CNTNAP3B: variants seen among roughly 807,000 people sequenced by gnomAD.
CNTNAP3B encodes the protein contactin associated protein family member 3B, also known as contactin-associated protein-like 3B.
A neutral mutation model predicts 108.9 loss-of-function variants in CNTNAP3B; 25 were observed. The observed-to-expected ratio is 0.23, with a 90% CI of 0.17 to 0.32. The LOEUF (loss-of-function observed/expected upper bound fraction) is 0.32. Ranked by LOEUF, CNTNAP3B falls within the 10% of genes least tolerant of loss-of-function variation. The pLI is 1.00. For synonymous variants in CNTNAP3B, 103 were observed against 473.4 expected, an observed-to-expected ratio of 0.22 and a Z score of 10.16; for missense variants, 252 against 1,210.4, an observed-to-expected ratio of 0.21 and a Z score of 11.75.
chr9:41,963,968 A>G (rs1479499862), intron 11 of CNTNAP3B, among the ~76,000 whole-genome samples: 1 of 151,532 alleles, frequency 6.6e-6, no homozygotes, highest in Non-Finnish European at 1.5e-5. Context: ...CTTTACAATC[A>G]TCATCACCAC....
chr9:41,940,425 C>A (rs1259110076), intron 13 of CNTNAP3B, among the ~76,000 whole-genome samples: 1 of 152,296 alleles, frequency 6.6e-6, no homozygotes. Context: ...ATTACAGAAC[C>A]AGAAGGAATG....
At chr9:41,912,077 CCTT>C (rs1334718984) in intron 18 of CNTNAP3B, among the ~76,000 whole-genome samples, 3,023 of 99,294 alleles carry the variant, frequency 0.03, 4 homozygotes, top group Non-Finnish European at 0.037. Flanking sequence ...ATTTTCTCCT[CCTT>C]CTTGAAACAG....
At chr9:41,987,418 A>G (rs1387535669) in intron 8 of CNTNAP3B, among the ~76,000 whole-genome samples, 2 of 47,452 alleles carry the variant, frequency 4.2e-5, no homozygotes, top group African/African-American at 5.6e-5. Context: ...CTGAGATCAC[A>G]CCACTGTACT....
At chr9:41,959,775 C>T (rs1357987731) in intron 12 of CNTNAP3B, among the ~76,000 whole-genome samples, 2 of 152,308 alleles carry the variant, frequency 1.3e-5, no homozygotes, top group Non-Finnish European at 2.9e-5. Context: ...TTATTTGTTT[C>T]TTTATCCTTG....
intron 13 of CNTNAP3B, among the ~76,000 whole-genome samples, chr9:41,942,636 TA>T (rs534894864): frequency 9.4e-4 from 136 of 145,258 alleles, no homozygotes; most frequent in Middle Eastern, 3.5e-3. Flanking sequence ...ATAAAAACAT[TA>T]AAAAAAAAAG....
chr9:42,036,280 C>A lies in CNTNAP3B; in HGVS notation c.391-22755G>T, dbSNP rs1349268803. Among the ~76,000 whole-genome samples, 2 of 141,456 alleles carry A rather than the reference C, an allele frequency of 1.4e-5. 1 individual carries two copies. Among genetic ancestry groups the A allele is most frequent in the Non-Finnish European group, 3.1e-5 (2 of 65,288 alleles). The allele number at this position is 141,456 out of a possible 152,430, so 92.8% of individuals were successfully genotyped here. ...ATATGGAATAAAATGAGTAAGTCAT[C>A]TTTTGCCAATCTGTTCTCCTCCCTA... On this transcript the variant is annotated intron_variant, in intron 3 of 23. Transcript: ENST00000377561.
chr9:41,950,481 C>A (rs1824641702), intron 13 of CNTNAP3B, among the ~76,000 whole-genome samples: 1 of 119,290 alleles, frequency 8.4e-6, no homozygotes, highest in African/African-American at 3.2e-5. Context: ...TGTAAACAAA[C>A]AACCCAGATG....
At position 42,079,814 on chromosome 9, in the gene CNTNAP3B, C is replaced by T. The variant is rs1366816721; in HGVS notation, c.197-2752G>A. 1.4e-5 allele frequency among the ~76,000 whole-genome samples: 2 copies of T among 138,114 alleles called. 1 individual carries two copies. The highest frequency in any genetic ancestry group is 1.4e-4 in the Admixed American group (2 of 13,814). The allele number at this position is 138,114 out of a possible 152,430, so 90.6% of individuals were successfully genotyped here. ...GGATTACAGGCATGAGGCACTGGGC[C>T]CAGCCTATTTTATGGTTGTTTTAAA... is the stretch of plus-strand genomic sequence containing the variant. On this transcript the variant is annotated intron_variant, in intron 2 of 23. Coordinates refer to ENST00000377561, the MANE Select transcript of CNTNAP3B (RefSeq NM_001201380.3).
In CNTNAP3B at chr9:41,969,499, C is replaced by T. The variant is rs1201890879; in HGVS notation, c.1649+575G>A. On this transcript the variant is annotated intron_variant, in intron 10 of 23. Coordinates refer to ENST00000377561, the MANE Select transcript of CNTNAP3B (RefSeq NM_001201380.3). ...ACTGATGGGTGTGTGGTTGCAAAAG[C>T]GAGCTTTATAACTATTAGCTGAGCA... Among the ~76,000 whole-genome samples the T allele has an allele frequency of 1.2e-4, 18 of 146,998 alleles. No homozygotes were observed. In the Admixed American group the frequency reaches 1.2e-3, roughly 10 times the overall value.
rs1389558150 is a variant in CNTNAP3B, at chr9:42,095,080, C to T, written c.196+9549G>A. Among the ~76,000 whole-genome samples, 18 of 135,846 alleles carry T rather than the reference C, an allele frequency of 1.3e-4. 2 individuals carry two copies. Among genetic ancestry groups the T allele is most frequent in the African/African-American group, 5.0e-4 (17 of 33,842 alleles). The allele number at this position is 135,846 out of a possible 152,430, so 89.1% of individuals were successfully genotyped here. On this transcript the variant is annotated intron_variant, in intron 2 of 23. Transcript: ENST00000377561. ...TTTCAAAACAGACAACACTTATTAA[C>T]TCTATTCACTATGCTGTGCAAAAGA...
intron 11 of CNTNAP3B, among the ~76,000 whole-genome samples, chr9:41,961,621 G>T (rs1451813251): frequency 6.6e-6 from 1 of 152,296 alleles, no homozygotes; most frequent in East Asian, 1.9e-4. Context: ...CAATATGAAT[G>T]AGCATTTTAA....
rs1376627539 is a variant in CNTNAP3B at position 42,111,356 on chromosome 9, C to T, written c.86-6617G>A. Among the ~76,000 whole-genome samples, 4 of 139,054 alleles carry T rather than the reference C, an allele frequency of 2.9e-5. 1 individual carries two copies. The highest frequency in any genetic ancestry group is 4.6e-5 in the Non-Finnish European group (3 of 64,888). 91.2% of individuals were successfully genotyped at this position (139,054 alleles called of 152,430 possible). On this transcript the variant is annotated intron_variant, in intron 1 of 23. Transcript: ENST00000377561. ...TATAACCATAAACAACAGAAAAAGT[C>T]TCTGCTCCTGTGAAGCTTATCCTAC...
chr9:42,033,206 A>G (rs1826555972), intron 3 of CNTNAP3B, among the ~76,000 whole-genome samples: 1 of 142,184 alleles, frequency 7.0e-6, no homozygotes, highest in African/African-American at 2.8e-5. Flanking sequence ...AATAATGGTC[A>G]CTATTGTTGG....
Position 42,001,614 on chromosome 9 carries a change from C to T in CNTNAP3B, c.539-3010G>A, listed in dbSNP as rs1047756207. 6.9e-5 allele frequency among the ~76,000 whole-genome samples: 9 copies of T among 131,070 alleles called. 2 individuals are homozygous for T. Among genetic ancestry groups the T allele is most frequent in the African/African-American group, 2.8e-4 (9 of 32,606 alleles). 86.0% of individuals were successfully genotyped at this position (131,070 alleles called of 152,430 possible). On this transcript the variant is annotated intron_variant, in intron 4 of 23. Transcript: ENST00000377561. ...GTGGGATACTGGAAAATTAATGTCACTTATTATGTTTACGATAAAATCCAA... is the reference window on the plus strand; with the variant it reads ...GTGGGATACTGGAAAATTAATGTCATTTATTATGTTTACGATAAAATCCAA...
At chr9:41,950,699 A>G (rs1481990013) in intron 13 of CNTNAP3B, among the ~76,000 whole-genome samples, 1 of 150,610 alleles carries the variant, frequency 6.6e-6, no homozygotes, top group Non-Finnish European at 1.5e-5. Context: ...ATAGAAATGG[A>G]GAACATACTA....
chr9:41,930,700 A>T (rs1366314248), intron 14 of CNTNAP3B, among the ~76,000 whole-genome samples: 21 of 152,414 alleles, frequency 1.4e-4, no homozygotes, highest in African/African-American at 5.0e-4. Flanking sequence ...AGTATTAATT[A>T]TGTGACTGGG....
chr9:41,955,607 T>C (rs1311775279), intron 12 of CNTNAP3B, among the ~76,000 whole-genome samples: 3 of 152,382 alleles, frequency 2.0e-5, no homozygotes, highest in Non-Finnish European at 2.9e-5. Flanking sequence ...CATAGTTTAC[T>C]GCAGCCTCGA....
chr9:41,919,403 C>A (rs1414408368), intron 18 of CNTNAP3B, among the ~76,000 whole-genome samples: 1 of 151,548 alleles, frequency 6.6e-6, no homozygotes, highest in Non-Finnish European at 1.5e-5. Flanking sequence ...CATAAGCCAC[C>A]ACGCCCAGCC....
chr9:41,953,105 T>A (rs963413274), intron 13 of CNTNAP3B, 78 bp downstream of exon 13: 1 of 1,364,094 alleles, frequency 7.3e-7, no homozygotes, highest in African/African-American at 1.5e-5. Flanking sequence ...TGGCCTTTTC[T>A]CCCTCAAAGG....
Sources: allele counts gnomAD v4.1 joint callset (sites outside exome capture counted in the v4.1 genomes callset), GRCh38; gene constraint gnomAD v4.1.1; transcripts MANE v1.5; gene names NCBI Gene and HGNC (gene_info 2026-07-23, HGNC 2026-07-21).